The following CTSO variants were observed in gnomAD, a reference collection of about 807,000 sequenced individuals.
CTSO encodes the protein cathepsin O.
Under a neutral mutation model 42.4 loss-of-function variants are expected in CTSO, and 40 were observed. That is an observed-to-expected ratio of 0.94 (90% CI 0.73 to 1.23). The LOEUF is 1.23. CTSO is among the 50% of genes most tolerant of loss of function. The pLI is 0.00. For synonymous variants in CTSO, 156 were observed against 146.2 expected, an observed-to-expected ratio of 1.07 and a Z score of -0.48; for missense variants, 441 against 396.0, an observed-to-expected ratio of 1.11 and a Z score of -0.96.
intron 5 of CTSO, among the ~76,000 whole-genome samples, chr4:155,933,300 G>A (rs889323629): frequency 6.6e-5 from 10 of 151,906 alleles, no homozygotes; most frequent in Non-Finnish European, 1.0e-4. Context: ...TTCTCTTGCC[G>A]CCACCATGTA....
intron 5 of CTSO, among the ~76,000 whole-genome samples, chr4:155,936,289 C>T (rs1560786727): frequency 6.6e-6 from 1 of 152,096 alleles, no homozygotes; most frequent in Non-Finnish European, 1.5e-5. Context: ...TGTTGCAGAC[C>T]GGAGCTGTGT....
chr4:155,934,421 A>T lies in CTSO; in HGVS notation c.674+2941T>A, dbSNP rs561469528. On this transcript the variant is annotated intron_variant, in intron 5 of 7. Transcript: ENST00000433477. ...ATGTGGGGTTGGAGGCTCCACACAG[A>T]GTCCCACAGGAGCTGCGAGAAGAGG... is the stretch of plus-strand genomic sequence containing the variant. Among the ~76,000 whole-genome samples the T allele has an allele frequency of 2.0e-5, 3 of 152,300 alleles. No homozygotes were observed. In the South Asian group the frequency reaches 6.2e-4, roughly 32 times the overall value.
In CTSO at chr4:155,925,594, G is replaced by A. The variant is rs2110898276; in HGVS notation, c.*442C>T. The A allele has an allele frequency of 6.2e-6, 1 of 161,632 alleles. No individual in the cohort carries two copies. Among genetic ancestry groups the A allele is most frequent in the South Asian group, 1.8e-4 (1 of 5,496 alleles). The allele number at this position is 161,632 out of a possible 1,614,324, so 10.0% of individuals were successfully genotyped here. On this transcript the variant is annotated 3_prime_UTR_variant, in exon 8 of 8. Coordinates refer to ENST00000433477, the MANE Select transcript of CTSO (RefSeq NM_001334.3). ...TACAAGACACACATAATTTTAGGTTGGCCATTCTTGTGTATAGGGGTAATC... is the reference window on the plus strand; with the variant it reads ...TACAAGACACACATAATTTTAGGTTAGCCATTCTTGTGTATAGGGGTAATC...
In CTSO at chr4:155,924,958, G is replaced by GGGGAAAACTGGGAAACAGATTC. The variant is rs1743104281; in HGVS notation, c.*1056_*1077dup. 6.6e-6 allele frequency: 1 copy of GGGGAAAACTGGGAAACAGATTC among 152,278 alleles called. No homozygotes were observed. The highest frequency in any genetic ancestry group is 1.5e-5 in the Non-Finnish European group (1 of 68,132). 9.4% of individuals were successfully genotyped at this position (152,278 alleles called of 1,614,324 possible). ...TCGGATGGGAGACCAGGAAAGCTGA[G>GGGGAAAACTGGGAAACAGATTC]GGGAAAACTGGGAAACAGATTCTGG... On this transcript the variant is annotated 3_prime_UTR_variant, in exon 8 of 8. Transcript: ENST00000433477.
intron 5 of CTSO, among the ~76,000 whole-genome samples, chr4:155,934,895 T>G (rs1040489633): frequency 1.3e-5 from 2 of 152,166 alleles, no homozygotes; most frequent in South Asian, 2.1e-4. Context: ...AATGCTGAAA[T>G]GAGTTAAGAC....
At chr4:155,931,170 G>T (rs1743227636) in intron 5 of CTSO, among the ~76,000 whole-genome samples, 1 of 152,060 alleles carries the variant, frequency 6.6e-6, no homozygotes, top group African/African-American at 2.4e-5. Flanking sequence ...AACTAATTGT[G>T]TTCCCCATAG....
intron 4 of CTSO, 55 bp downstream of exon 4, chr4:155,939,316 C>G (rs1388649958): frequency 2.0e-6 from 3 of 1,464,062 alleles, no homozygotes; most frequent in Non-Finnish European, 2.8e-6. Flanking sequence ...TTTGAACACA[C>G]AGTAAACAAG....
intron 5 of CTSO, among the ~76,000 whole-genome samples, chr4:155,930,688 C>T (rs184059272): frequency 6.2e-4 from 95 of 152,136 alleles, no homozygotes; most frequent in African/African-American, 1.3e-3. Context: ...TCTTTCATGA[C>T]GACCAGCTGG....
At chr4:155,949,079 G>A (rs1743600897) in intron 1 of CTSO, among the ~76,000 whole-genome samples, 1 of 152,218 alleles carries the variant, frequency 6.6e-6, no homozygotes, top group African/African-American at 2.4e-5. Flanking sequence ...GCCACTGAAT[G>A]CACTAAATAC....
rs1743455821 is a variant in CTSO, at chr4:155,942,383, C to T, written c.318G>A (p.Val106=). 6.2e-7 allele frequency: 1 copy of T among 1,603,432 alleles called. No individual in the cohort carries two copies. Among genetic ancestry groups the T allele is most frequent in the Non-Finnish European group, 8.5e-7 (1 of 1,175,602 alleles). The part of the protein sequence containing the change: ...SAEVHMSIPN[V]SLPLRFDWRD... Reference sequence around the variant, plus strand: ...TCCAGTCAAATCTTAACGGCAAAGACACATTGGGGATGGACATATGTACTT... The same window carrying T: ...TCCAGTCAAATCTTAACGGCAAAGATACATTGGGGATGGACATATGTACTT... The change falls in exon 3 of 8, where the codon GTG becomes GTA. Residue 106 remains valine, a synonymous_variant. Transcript: ENST00000433477.
Position 155,942,432 on chromosome 4 carries a change from G to A in CTSO, c.269C>T (p.Ser90Phe). Reference protein sequence around the residue: ...FKAIYLRSKPSKFPRYSAEVH... With the variant: ...FKAIYLRSKPFKFPRYSAEVH... ...TTCTGCTGAGTATCTGGGAAACTTG[G>A]AAGGTTTGCTTCTTAAATAAATGGC... is the stretch of plus-strand genomic sequence containing the variant. Residue 90 changes from serine (S) to phenylalanine (F), a missense_variant, in exon 3 of 8, where the codon TCC (serine) becomes TTC (phenylalanine). Physicochemically the swap from Ser to Phe is radical, Grantham distance 155. Transcript: ENST00000433477. 1 of 1,547,222 alleles carries A rather than the reference G, an allele frequency of 6.5e-7. No individual in the cohort carries two copies. Among genetic ancestry groups the A allele is most frequent in the Non-Finnish European group, 8.7e-7 (1 of 1,147,826 alleles).
At chr4:155,932,981 G>A (rs1053009020) in intron 5 of CTSO, among the ~76,000 whole-genome samples, 8 of 152,128 alleles carry the variant, frequency 5.3e-5, no homozygotes, top group African/African-American at 1.7e-4. Context: ...ATAAAAAACT[G>A]TGTAGGGCTT....
chr4:155,929,399 CT>C, intron 6 of CTSO, 142 bp downstream of exon 6: 1 of 777,082 alleles, frequency 1.3e-6, no homozygotes, highest in South Asian at 2.2e-5. Context: ...ACATTTACTC[CT>C]ATAAGATTGT....
chr4:155,926,034 T>C lies in CTSO; in HGVS notation c.*2A>G, dbSNP rs761646288. ...TAGCTGTCTCTTGATCTGCCCAACA[T>C]GTCACACAAATATAGAAGAAACGGA... On this transcript the variant is annotated 3_prime_UTR_variant, in exon 8 of 8. Transcript: ENST00000433477. 9 of 1,604,346 alleles carry C rather than the reference T, an allele frequency of 5.6e-6. No individual in the cohort carries two copies. The highest frequency in any genetic ancestry group is 2.2e-5 in the East Asian group (1 of 44,574).
intron 5 of CTSO, among the ~76,000 whole-genome samples, chr4:155,930,721 T>C (rs545371981): frequency 6.6e-6 from 1 of 152,272 alleles, no homozygotes; most frequent in Non-Finnish European, 1.5e-5. Flanking sequence ...AGAGAGGGAA[T>C]ATTTTGTCCA....
At chr4:155,927,539 G>A (rs1422457308) in intron 7 of CTSO, among the ~76,000 whole-genome samples, 1 of 152,204 alleles carries the variant, frequency 6.6e-6, no homozygotes, top group Non-Finnish European at 1.5e-5. Flanking sequence ...GGAGGCCAAG[G>A]AGGGCAGATC....
At chr4:155,931,974 T>G (rs1286932129) in intron 5 of CTSO, among the ~76,000 whole-genome samples, 5 of 152,030 alleles carry the variant, frequency 3.3e-5, no homozygotes, top group Admixed American at 2.0e-4. Flanking sequence ...ATGTGGATTT[T>G]CATCTCATCT....
chr4:155,944,955 TAAA>T (rs34358651), intron 1 of CTSO, among the ~76,000 whole-genome samples: 6 of 117,588 alleles, frequency 5.1e-5, no homozygotes, highest in Non-Finnish European at 5.1e-5. Flanking sequence ...TGTGATTGAT[TAAA>T]AAAAAAAAAA....
chr4:155,929,583 T>A lies in CTSO; in HGVS notation c.797A>T (p.Glu266Val), dbSNP rs780460172. The stretch of plus-strand genomic sequence containing the variant: ...AGTTATGAGAACTGCATGATTTGCT[T>A]CTCCACTAGAGCAGTGATGCTGTAT... ...GIIQHHCSSG[E>V]ANHAVLITGF... The change falls in exon 6 of 8, where the codon GAA (glutamate) becomes GTA (valine). Residue 266 changes from glutamate (E) to valine (V), a missense_variant. By Grantham distance (121) the Glu-to-Val change is moderately radical. Coordinates refer to ENST00000433477, the MANE Select transcript of CTSO (RefSeq NM_001334.3). 2 of 1,613,768 alleles carry A rather than the reference T, an allele frequency of 1.2e-6. No homozygotes were observed. The highest frequency in any genetic ancestry group is 1.7e-6 in the Non-Finnish European group (2 of 1,179,912).
Sources: gnomAD v4.1 joint callset for allele counts (sites outside exome capture counted in the v4.1 genomes callset) on GRCh38, gnomAD v4.1.1 for gene constraint, MANE v1.5 for transcripts, NCBI Gene and HGNC (gene_info 2026-07-23, HGNC 2026-07-21) for gene names.